Variants in HDAC9 observed in about 807,000 individuals in gnomAD.
The protein encoded by HDAC9 is MEF-2 interacting transcription repressor (MITR) protein.
A neutral mutation model predicts 139.4 loss-of-function variants in HDAC9; 41 were observed. The ratio of observed to expected loss-of-function variants is 0.29; its 90% CI spans 0.23 to 0.38. The LOEUF (loss-of-function observed/expected upper bound fraction) is 0.38. Among genes scored for constraint, HDAC9 ranks in the 10% least tolerant of loss-of-function variants. The pLI is 1.00. For synonymous variants in HDAC9, 517 were observed against 476.2 expected (o/e 1.09, Z -1.12); for missense variants, 1,147 against 1,297.0 (o/e 0.88, Z 1.78).
chr7:18,367,078 A>G (rs1039379374), intron 1 of HDAC9, among the ~76,000 whole-genome samples: 2 of 152,114 alleles, frequency 1.3e-5, no homozygotes, highest in African/African-American at 4.8e-5. Flanking sequence ...ATACATCAAA[A>G]TAATGCTTTT....
chr7:18,409,578 A>G (rs1232041911), intron 1 of HDAC9, among the ~76,000 whole-genome samples: 1 of 152,186 alleles, frequency 6.6e-6, no homozygotes, highest in Non-Finnish European at 1.5e-5. Context: ...ACCACATGAA[A>G]TACTGTAAAT....
At chr7:18,737,377 A>G (rs1444799263) in intron 13 of HDAC9, among the ~76,000 whole-genome samples, 1 of 152,154 alleles carries the variant, frequency 6.6e-6, no homozygotes, top group Non-Finnish European at 1.5e-5. Flanking sequence ...ATTTAGTGCT[A>G]TACATTTCCC....
intron 22 of HDAC9, among the ~76,000 whole-genome samples, chr7:18,906,662 C>T (rs569810818): frequency 3.3e-5 from 5 of 152,196 alleles, no homozygotes; most frequent in Non-Finnish European, 5.9e-5. Flanking sequence ...CTTCACAGCT[C>T]CAGAAAATAT....
intron 1 of HDAC9, among the ~76,000 whole-genome samples, chr7:18,393,917 G>A (rs959256273): frequency 6.6e-6 from 1 of 152,152 alleles, no homozygotes; most frequent in Non-Finnish European, 1.5e-5. Context: ...AGTACTTAGA[G>A]TTTAATGTGA....
chr7:18,789,286 G>GCGCGCCCACACACACACA (rs146066951), intron 16 of HDAC9, among the ~76,000 whole-genome samples: 1 of 148,396 alleles, frequency 6.7e-6, no homozygotes, highest in Non-Finnish European at 1.5e-5. Context: ...ACACATACAC[G>GCGCGCCCACACACACACA]CACACACACA....
intron 1 of HDAC9, among the ~76,000 whole-genome samples, chr7:18,405,313 A>G (rs1035148303): frequency 1.3e-5 from 2 of 152,322 alleles, no homozygotes; most frequent in African/African-American, 2.4e-5. Flanking sequence ...ATGCACAAAT[A>G]TAACTCCAAT....
At chr7:18,588,762 G>C (rs980877689) in intron 3 of HDAC9, among the ~76,000 whole-genome samples, 1 of 152,120 alleles carries the variant, frequency 6.6e-6, no homozygotes, top group Non-Finnish European at 1.5e-5. Flanking sequence ...AGCTGAAAGG[G>C]GGCTGGAAGG....
intron 1 of HDAC9, among the ~76,000 whole-genome samples, chr7:18,136,404 C>G (rs1785421883): frequency 6.6e-6 from 1 of 152,060 alleles, no homozygotes; most frequent in African/African-American, 2.4e-5. Flanking sequence ...ATGGTAATGC[C>G]TAGGTTTTCT....
intron 22 of HDAC9, among the ~76,000 whole-genome samples, chr7:18,889,920 G>T (rs1302038669): frequency 6.6e-6 from 1 of 152,160 alleles, no homozygotes; most frequent in Non-Finnish European, 1.5e-5. Context: ...GCCCAGGCTG[G>T]TCTTGAACTC....
intron 1 of HDAC9, 82 bp from the exon 2 acceptor site, chr7:18,496,180 A>G: frequency 2.7e-6 from 4 of 1,505,718 alleles, no homozygotes; most frequent in Non-Finnish European, 3.7e-6. Context: ...CTGAGCAGTG[A>G]TGAATGTTTC....
intron 1 of HDAC9, among the ~76,000 whole-genome samples, chr7:18,316,543 A>T (rs1458711745): frequency 6.7e-6 from 1 of 149,778 alleles, no homozygotes; most frequent in Non-Finnish European, 1.5e-5. Flanking sequence ...CATACCCATA[A>T]TCTCCGTACT....
At chr7:18,852,098 CT>C (rs1403710454) in intron 21 of HDAC9, among the ~76,000 whole-genome samples, 1 of 152,148 alleles carries the variant, frequency 6.6e-6, no homozygotes, top group East Asian at 1.9e-4. Flanking sequence ...TCAATTTAGC[CT>C]TTGGTGCTTT....
In HDAC9 at chr7:18,495,902, G is replaced by A. The variant is rs756300279; in HGVS notation, c.-163G>A. 52 of 1,182,062 alleles carry A rather than the reference G, an allele frequency of 4.4e-5. No individual in the cohort carries two copies. The highest frequency in any genetic ancestry group is 5.2e-5 in the Non-Finnish European group (50 of 956,926). 73.2% of individuals were successfully genotyped at this position (1,182,062 alleles called of 1,614,324 possible). A position where few individuals can be genotyped will look rare whatever the true frequency, so the allele number is the denominator to read the frequency against. On this transcript the variant is annotated 5_prime_UTR_variant, in exon 1 of 26. Coordinates refer to ENST00000686413, the MANE Select transcript of HDAC9 (RefSeq NM_178425.4). ...GTGGGTAGACTTAATAATTTTCTAC[G>A]TATTCTGACAAAGAAATAACCCCGA...
intron 1 of HDAC9, among the ~76,000 whole-genome samples, chr7:18,435,530 A>G (rs1791110270): frequency 6.6e-6 from 1 of 152,160 alleles, no homozygotes; most frequent in South Asian, 2.1e-4. Flanking sequence ...CTTTGCTACT[A>G]GTATAGTGCA....
In HDAC9 at chr7:18,997,528, TG is replaced by T. The variant is rs1314627785; in HGVS notation, c.*1467del. 6.6e-6 allele frequency: 1 copy of T among 152,132 alleles called. No individual in the cohort carries two copies. Among genetic ancestry groups the T allele is most frequent in the Admixed American group, 6.5e-5 (1 of 15,272 alleles). The allele number at this position is 152,132 out of a possible 1,614,324, so 9.4% of individuals were successfully genotyped here. On this transcript the variant is annotated 3_prime_UTR_variant, in exon 26 of 26. Transcript: ENST00000686413. ...TATCTGACAATGCTTTTGAAAGAGT[TG>T]ATGTTTCTTTTTATATATTTTTCTA...
chr7:18,480,417 A>G (rs1795464098), intron 1 of HDAC9, among the ~76,000 whole-genome samples: 1 of 152,228 alleles, frequency 6.6e-6, no homozygotes, highest in South Asian at 2.1e-4. Flanking sequence ...GTACAATTCT[A>G]AAACCAGACA....
chr7:18,700,453 T>C (rs1356252825), intron 12 of HDAC9, among the ~76,000 whole-genome samples: 1 of 152,222 alleles, frequency 6.6e-6, no homozygotes, highest in Admixed American at 6.5e-5. Flanking sequence ...TTTATCAAGA[T>C]ACGCTTGGGA....
intron 16 of HDAC9, among the ~76,000 whole-genome samples, chr7:18,791,059 C>T (rs748312587): frequency 9.2e-5 from 14 of 152,134 alleles, no homozygotes; most frequent in Non-Finnish European, 1.3e-4. Flanking sequence ...ATGGGTATCA[C>T]GCAAACGTAT....
chr7:18,965,576 A>G (rs773947619), intron 24 of HDAC9, among the ~76,000 whole-genome samples: 2 of 152,224 alleles, frequency 1.3e-5, no homozygotes, highest in Non-Finnish European at 2.9e-5. Context: ...GTGACGAGAA[A>G]AGAAATGAAG....
Sources: allele counts gnomAD v4.1 joint callset (sites outside exome capture counted in the v4.1 genomes callset), GRCh38; gene constraint gnomAD v4.1.1; transcripts MANE v1.5; gene names NCBI Gene and HGNC (gene_info 2026-07-23, HGNC 2026-07-21).